The following JAM3 variants were observed in gnomAD, a reference collection of about 807,000 sequenced individuals.
The protein encoded by JAM3 is junctional adhesion molecule 3.
Under a neutral mutation model 39.4 loss-of-function variants are expected in JAM3, and 31 were observed. The observed-to-expected ratio is 0.79, with a 90% confidence interval of 0.59 to 1.06. JAM3 has a LOEUF of 1.06. Among genes scored for constraint, JAM3 ranks in the 50% least tolerant of loss-of-function variants. The pLI, the probability that JAM3 is intolerant of heterozygous loss-of-function variation, is 0.00. For synonymous variants in JAM3, 182 were observed against 148.7 expected, an observed-to-expected ratio of 1.22 and a Z score of -1.63; for missense variants, 455 against 391.4, an observed-to-expected ratio of 1.16 and a Z score of -1.37.
chr11:134,116,483 AT>A (rs553177220), intron 1 of JAM3, among the ~76,000 whole-genome samples: 121 of 152,108 alleles, frequency 8.0e-4, no homozygotes, highest in Middle Eastern at 6.8e-3. Flanking sequence ...TAGTATCATA[AT>A]TTTTTTTCTT....
At chr11:134,094,163 G>T (rs1456811738) in intron 1 of JAM3, among the ~76,000 whole-genome samples, 28 of 140,412 alleles carry the variant, frequency 2.0e-4, no homozygotes, top group African/African-American at 2.7e-4. Flanking sequence ...ACTTCCTGAG[G>T]GAAACTTCTC....
At chr11:134,094,152 C>G (rs373364250) in intron 1 of JAM3, among the ~76,000 whole-genome samples, 62 of 139,766 alleles carry the variant, frequency 4.4e-4, no homozygotes, top group Non-Finnish European at 7.2e-4. Flanking sequence ...CCTTACATGT[C>G]ACTTCCTGAG....
At chr11:134,084,997 T>C (rs1425024647) in intron 1 of JAM3, among the ~76,000 whole-genome samples, 1 of 152,138 alleles carries the variant, frequency 6.6e-6, no homozygotes, top group Admixed American at 6.6e-5. Context: ...TTGTGGGTAG[T>C]TGTTCTTGCT....
chr11:134,104,041 TCAA>T (rs926937703), intron 1 of JAM3, among the ~76,000 whole-genome samples: 28 of 152,288 alleles, frequency 1.8e-4, no homozygotes, highest in South Asian at 8.3e-4. Flanking sequence ...CCACCCCAAA[TCAA>T]CAGAATATAC....
intron 1 of JAM3, among the ~76,000 whole-genome samples, chr11:134,111,213 G>A (rs1374388198): frequency 3.7e-5 from 5 of 135,066 alleles, no homozygotes; most frequent in South Asian, 4.6e-4. Flanking sequence ...GCGCGATCTC[G>A]GCTCACTGCA....
At chr11:134,092,017 C>T (rs1230191582) in intron 1 of JAM3, among the ~76,000 whole-genome samples, 3 of 152,068 alleles carry the variant, frequency 2.0e-5, no homozygotes, top group Non-Finnish European at 4.4e-5. Flanking sequence ...TGAGTTCGTA[C>T]TCTAAATATA....
chr11:134,119,452 C>T (rs1942495875), intron 1 of JAM3, among the ~76,000 whole-genome samples: 1 of 152,034 alleles, frequency 6.6e-6, no homozygotes, highest in African/African-American at 2.4e-5. Context: ...AGTGCCATTG[C>T]CAGAGTATTA....
chr11:134,089,262 GTTGT>G (rs1438777638), intron 1 of JAM3, among the ~76,000 whole-genome samples: 1 of 152,054 alleles, frequency 6.6e-6, no homozygotes, highest in Non-Finnish European at 1.5e-5. Flanking sequence ...ATTTTGTTTG[GTTGT>G]TTAATTCCAT....
intron 1 of JAM3, among the ~76,000 whole-genome samples, chr11:134,123,184 T>C (rs904206125): frequency 9.9e-5 from 15 of 152,040 alleles, no homozygotes; most frequent in Admixed American, 4.6e-4. Flanking sequence ...TCATATAATA[T>C]ATCTATATGT....
At chr11:134,113,213 T>A (rs76634567) in intron 1 of JAM3, among the ~76,000 whole-genome samples, 1 of 151,858 alleles carries the variant, frequency 6.6e-6, no homozygotes, top group Non-Finnish European at 1.5e-5. Flanking sequence ...TTTTTTTTTT[T>A]AATACTTTAA....
At chr11:134,122,329 C>T (rs1360007320) in intron 1 of JAM3, among the ~76,000 whole-genome samples, 1 of 152,172 alleles carries the variant, frequency 6.6e-6, no homozygotes, top group Non-Finnish European at 1.5e-5. Context: ...GCCTTAGAAG[C>T]AGGGCACTAC....
At position 134,077,504 on chromosome 11, in the gene JAM3, C is replaced by T. The variant is rs1941590362; in HGVS notation, c.76+8345C>T. ...TCAGCCTCCCGAGTAGCTGGGGTTACAGGATCCTGCCACCATGCCTAGCTA... is the reference window on the plus strand; with the variant it reads ...TCAGCCTCCCGAGTAGCTGGGGTTATAGGATCCTGCCACCATGCCTAGCTA... On this transcript the variant is annotated intron_variant, in intron 1 of 8. Coordinates refer to ENST00000299106, the MANE Select transcript of JAM3 (RefSeq NM_032801.5). Among the ~76,000 whole-genome samples the T allele has an allele frequency of 2.0e-5, 3 of 151,750 alleles. No individual in the cohort carries two copies. The South Asian group carries it at 6.3e-4, about 32-fold the overall frequency.
chr11:134,121,476 CTTT>C (rs796353940), intron 1 of JAM3, among the ~76,000 whole-genome samples: 1 of 145,732 alleles, frequency 6.9e-6, no homozygotes, highest in Non-Finnish European at 1.5e-5. Flanking sequence ...CAGCTCCCTC[CTTT>C]TTTTTTTTGA....
rs528628137 is a variant in JAM3, at chr11:134,112,875, G to A, written c.77-26976G>A. On this transcript the variant is annotated intron_variant, in intron 1 of 8. Transcript: ENST00000299106. ...AGGGGTAGAGCATGAAATAGAGCAT[G>A]AAAATCTTGTCTCATTTGAGGTCTG... Among the ~76,000 whole-genome samples, 15 of 152,286 alleles carry A rather than the reference G, an allele frequency of 9.8e-5. No individual in the cohort carries two copies. The East Asian group carries it at 2.9e-3, about 29-fold the overall frequency.
intron 1 of JAM3, among the ~76,000 whole-genome samples, chr11:134,125,635 G>A (rs1232553094): frequency 6.6e-6 from 1 of 152,122 alleles, no homozygotes; most frequent in Non-Finnish European, 1.5e-5. Context: ...TCTTTCCATC[G>A]ATGGATGCTG....
intron 1 of JAM3, among the ~76,000 whole-genome samples, chr11:134,098,853 C>A (rs1415351533): frequency 1.3e-5 from 2 of 152,088 alleles, no homozygotes; most frequent in Admixed American, 6.6e-5. Context: ...ACTGATACTC[C>A]AGCCTAGAGA....
chr11:134,127,455 T>C (rs1942671286), intron 1 of JAM3, among the ~76,000 whole-genome samples: 6 of 152,206 alleles, frequency 3.9e-5, no homozygotes, highest in Admixed American at 3.9e-4. Context: ...TCCCAGCACT[T>C]TGGGAGGCCA....
At chr11:134,090,320 T>A (rs1376999063) in intron 1 of JAM3, among the ~76,000 whole-genome samples, 1 of 152,246 alleles carries the variant, frequency 6.6e-6, no homozygotes, top group South Asian at 2.1e-4. Context: ...TTAGATCCCA[T>A]TTGTCAATTT....
chr11:134,074,945 C>A (rs562960086), intron 1 of JAM3, among the ~76,000 whole-genome samples: 71 of 151,266 alleles, frequency 4.7e-4, no homozygotes, highest in African/African-American at 1.6e-3. Context: ...AGTGCAGCTG[C>A]CTGGAAGCTT....
Sources: allele counts gnomAD v4.1 joint callset (sites outside exome capture counted in the v4.1 genomes callset), GRCh38; gene constraint gnomAD v4.1.1; transcripts MANE v1.5; gene names NCBI Gene and HGNC (gene_info 2026-07-23, HGNC 2026-07-21).